The following USP2 variants were observed in gnomAD, a reference collection of about 807,000 sequenced individuals.
USP2 encodes ubiquitin specific peptidase 2.
USP2 carries 33 observed loss-of-function variants against 72.0 expected under a neutral mutation model. That is an observed-to-expected ratio of 0.46 (90% CI 0.35 to 0.61). The LOEUF (loss-of-function observed/expected upper bound fraction) is 0.61, where lower values mean the gene tolerates loss of function less well. Ranked by LOEUF, USP2 falls within the 20% of genes least tolerant of loss-of-function variation. The probability of loss-of-function intolerance (pLI) is 0.01; values close to 1 mark genes in which losing one functional copy is unlikely to be tolerated. For synonymous variants in USP2, 296 were observed against 312.5 expected (o/e 0.95, Z 0.56); for missense variants, 691 against 797.8 (o/e 0.87, Z 1.61).
At chr11:119,364,233 C>A (rs1950817716) in intron 2 of USP2, 1 of 1,076,570 alleles carries the variant, frequency 9.3e-7, no homozygotes, top group Admixed American at 5.2e-5. Flanking sequence ...CGCCTCGGGC[C>A]CCGCGACGTC....
intron 2 of USP2, among the ~76,000 whole-genome samples, chr11:119,370,889 AGTTGGAGGGCGGCAGACTCCCAGGAGG>A (rs1950917280): frequency 6.6e-6 from 1 of 151,854 alleles, no homozygotes; most frequent in Non-Finnish European, 1.5e-5. Context: ...CCTTCTGGAG[AGTTGGAGGGCGGCAGACTCCCAGGAGG>A]GTTGGGCCAT....
chr11:119,364,240 C>T, intron 2 of USP2: 1 of 1,054,626 alleles, frequency 9.5e-7, no homozygotes, highest in Non-Finnish European at 1.2e-6. Flanking sequence ...GGCCCCGCGA[C>T]GTCAGCGCTG....
At position 119,356,748 on chromosome 11, in the gene USP2, T is replaced by G; in HGVS notation, c.*87A>C. The G allele has an allele frequency of 2.4e-6, 3 of 1,265,902 alleles. No homozygotes were observed. The highest frequency in any genetic ancestry group is 3.3e-6 in the Non-Finnish European group (3 of 921,334). 78.4% of individuals were successfully genotyped at this position (1,265,902 alleles called of 1,614,324 possible). ...TTTTTCTCTTGTCAGGTTTGTGTGT[T>G]GTTGTTGTTGTTTTGTTTTTGTCTT... On this transcript the variant is annotated 3_prime_UTR_variant, in exon 13 of 13. Coordinates refer to ENST00000260187, the MANE Select transcript of USP2 (RefSeq NM_004205.5).
intron 7 of USP2, 59 bp downstream of exon 7, chr11:119,358,714 T>C (rs1950713276): frequency 1.9e-6 from 3 of 1,586,894 alleles, no homozygotes; most frequent in Admixed American, 1.7e-5. Context: ...CTTTTCATGC[T>C]CCACTCAGGC....
At chr11:119,379,208 C>T (rs1951034138) in intron 1 of USP2, 24 of 985,484 alleles carry the variant, frequency 2.4e-5, no homozygotes, top group Non-Finnish European at 2.5e-5. Context: ...GCATTCCAAG[C>T]CCCAGGAGAA....
chr11:119,373,619 C>T (rs958644306), intron 1 of USP2, 98 bp from the exon 2 acceptor site: 2 of 1,182,796 alleles, frequency 1.7e-6, no homozygotes, highest in African/African-American at 3.1e-5. Context: ...CCTCAGAGCT[C>T]CCAGTCCATT....
Position 119,372,727 on chromosome 11 carries a change from A to T in USP2, c.754T>A (p.Ser252Thr). 5 of 1,523,496 alleles carry T rather than the reference A, an allele frequency of 3.3e-6. No individual in the cohort carries two copies. Among genetic ancestry groups the T allele is most frequent in the Non-Finnish European group, 4.4e-6 (5 of 1,139,012 alleles). The allele number at this position is 1,523,496 out of a possible 1,614,324, so 94.4% of individuals were successfully genotyped here. ...CTCACCATGCCGTCTCTTCCCGGGG[A>T]GCTGGAGCGGCTGGGCCCAGGGGCC... The part of the protein sequence containing the change: ...GQAPGPSRSS[S>T]PGRDGMNSKS... The change falls in exon 2 of 13, where the codon TCC becomes ACC. Residue 252 changes from serine to threonine, a missense_variant. Ser to Thr is a moderately conservative substitution (Grantham distance 58). Transcript: ENST00000260187.
intron 2 of USP2, 58 bp downstream of exon 2, chr11:119,372,649 T>C (rs1171529550): frequency 1.0e-5 from 15 of 1,475,988 alleles, no homozygotes; most frequent in Non-Finnish European, 1.3e-5. Context: ...TCAGCCTGGC[T>C]GTTCTCCATC....
At position 119,372,928 on chromosome 11, in the gene USP2, G is replaced by A. The variant is rs541986290; in HGVS notation, c.553C>T (p.Leu185Phe). The change falls in exon 2 of 13, where the codon CTC (leucine) becomes TTC (phenylalanine). Residue 185 changes from leucine to phenylalanine, a missense_variant. By Grantham distance (22) the Leu-to-Phe change is conservative (BLOSUM62 0). Coordinates refer to ENST00000260187, the MANE Select transcript of USP2 (RefSeq NM_004205.5). ...TRKELCTLQG[L>F]YQTASCPEYL... ...TCAGGGCAGCTGGCTGTCTGGTAGA[G>A]CCCCTGCAGGGTGCAGAGCTCCTTG... The A allele has an allele frequency of 4.3e-6, 7 of 1,613,378 alleles. No individual in the cohort carries two copies. The Admixed American group carries it at 5.0e-5, about 12-fold the overall frequency.
In USP2 at chr11:119,356,502, G is replaced by A. The variant is rs1195850253; in HGVS notation, c.*333C>T. 1 of 225,794 alleles carries A rather than the reference G, an allele frequency of 4.4e-6. No homozygotes were observed. The highest frequency in any genetic ancestry group is 8.6e-6 in the Non-Finnish European group (1 of 115,624). The allele number at this position is 225,794 out of a possible 1,614,324, so 14.0% of individuals were successfully genotyped here. A position where few individuals can be genotyped will look rare whatever the true frequency, so the allele number is the denominator to read the frequency against. On this transcript the variant is annotated 3_prime_UTR_variant, in exon 13 of 13. Coordinates refer to ENST00000260187, the MANE Select transcript of USP2 (RefSeq NM_004205.5). Reference sequence around the variant, plus strand: ...GTCCCCTCGGAGGCGCGGGCGCTGCGGCGGGAAGCGGCGCAGCGAGGGTCT... The same window carrying A: ...GTCCCCTCGGAGGCGCGGGCGCTGCAGCGGGAAGCGGCGCAGCGAGGGTCT...
In USP2 at chr11:119,359,108, CGAAG is replaced by C; in HGVS notation, c.1084_1087del (p.Leu362AlafsTer11). The stretch of plus-strand genomic sequence containing the variant: ...GTTATGGAGCCCATCCAGAAGAAAG[CGAAG>C]GAACTCCTGAGCATCCTGCTGACTG... On this transcript the variant is annotated frameshift_variant, in exon 6 of 13. Coordinates refer to ENST00000260187, the MANE Select transcript of USP2 (RefSeq NM_004205.5). LOFTEE classifies it high-confidence loss of function. The C allele has an allele frequency of 6.2e-7, 1 of 1,614,018 alleles. No homozygotes were observed. Among genetic ancestry groups the C allele is most frequent in the Non-Finnish European group, 8.5e-7 (1 of 1,180,028 alleles).
In USP2 at chr11:119,356,687, G is replaced by A; in HGVS notation, c.*148C>T. The A allele has an allele frequency of 2.5e-6, 2 of 788,978 alleles. No homozygotes were observed. The highest frequency in any genetic ancestry group is 4.0e-6 in the Non-Finnish European group (2 of 503,142). 48.9% of individuals were successfully genotyped at this position (788,978 alleles called of 1,614,324 possible). A position where few individuals can be genotyped will look rare whatever the true frequency, so the allele number is the denominator to read the frequency against. On this transcript the variant is annotated 3_prime_UTR_variant, in exon 13 of 13. Coordinates refer to ENST00000260187, the MANE Select transcript of USP2 (RefSeq NM_004205.5). ...GGCTCCTTGCTCCAGACCCTGATCA[G>A]GCTGCATCCACTCCTGCTCGGCAGC...
intron 2 of USP2, chr11:119,364,143 C>G: frequency 8.2e-7 from 1 of 1,216,282 alleles, no homozygotes; most frequent in Non-Finnish European, 1.0e-6. Context: ...GCGCGCTCCT[C>G]CGCCTCAACC....
intron 2 of USP2, chr11:119,363,931 G>C: frequency 1.5e-6 from 2 of 1,324,244 alleles, no homozygotes; most frequent in Non-Finnish European, 1.9e-6. Context: ...CAGCTCCTTG[G>C]CGAGGGCGGG....
intron 2 of USP2, among the ~76,000 whole-genome samples, chr11:119,363,296 C>G (rs1189272868): frequency 6.6e-6 from 1 of 152,232 alleles, no homozygotes; most frequent in East Asian, 1.9e-4. Flanking sequence ...CCGCTGCCCG[C>G]TGCATAAATG....
chr11:119,374,660 A>G (rs1295701912), intron 1 of USP2, among the ~76,000 whole-genome samples: 1 of 152,054 alleles, frequency 6.6e-6, no homozygotes, highest in Non-Finnish European at 1.5e-5. Context: ...GCCTTCCATC[A>G]CCGTAAACGT....
intron 2 of USP2, among the ~76,000 whole-genome samples, chr11:119,361,811 G>A (rs919758422): frequency 6.6e-6 from 1 of 152,124 alleles, no homozygotes; most frequent in African/African-American, 2.4e-5. Context: ...GGCAGCAGGT[G>A]GGATATAAGC....
At chr11:119,381,312 A>T (rs1951055936) in intron 1 of USP2, 161 bp downstream of exon 1, 1 of 785,720 alleles carries the variant, frequency 1.3e-6, no homozygotes, top group Non-Finnish European at 2.0e-6. Flanking sequence ...GCCCTCACAC[A>T]ACTGGCAGAC....
In USP2 at chr11:119,358,776, C is replaced by T. The variant is rs140569658; in HGVS notation, c.1234G>A (p.Gly412Arg). Residue 412 changes from glycine (G) to arginine (R), a missense_variant, in exon 7 of 13, where the codon GGG becomes AGG. Gly to Arg is a moderately radical substitution (Grantham distance 125). Coordinates refer to ENST00000260187, the MANE Select transcript of USP2 (RefSeq NM_004205.5). Reference protein sequence around the residue: ...KYLEREDSRIGDLFVGQLKSS... With the variant: ...KYLEREDSRIRDLFVGQLKSS... ...ATCTTCCCTTTCATGCGCTTACCCC[C>T]GATCCTACTGTCTTCCCGTTCTAGA... 6.8e-6 allele frequency: 11 copies of T among 1,614,008 alleles called. No homozygotes were observed. The highest frequency in any genetic ancestry group is 2.2e-5 in the East Asian group (1 of 44,896).
Sources: gnomAD v4.1 joint callset for allele counts (sites outside exome capture counted in the v4.1 genomes callset) on GRCh38, gnomAD v4.1.1 for gene constraint, MANE v1.5 for transcripts, NCBI Gene and HGNC (gene_info 2026-07-23, HGNC 2026-07-21) for gene names.